The following CAMK2D variants were observed in gnomAD, a reference collection of about 807,000 sequenced individuals.
The protein encoded by CAMK2D is calcium/calmodulin dependent protein kinase II delta, also known as calcium/calmodulin-dependent protein kinase type II subunit delta.
A neutral mutation model predicts 84.0 loss-of-function variants in CAMK2D; 37 were observed. That is an observed-to-expected ratio of 0.44 (90% CI 0.34 to 0.58). The LOEUF (loss-of-function observed/expected upper bound fraction) is 0.58. CAMK2D is among the 20% of genes least tolerant of loss of function. CAMK2D has a pLI of 0.02. For missense variants in CAMK2D, 448 were observed against 652.5 expected (o/e 0.69, Z 3.41); for synonymous variants, 202 against 212.5 (o/e 0.95, Z 0.43).
intron 3 of CAMK2D, among the ~76,000 whole-genome samples, chr4:113,635,224 A>C (rs1358835691): frequency 6.6e-6 from 1 of 152,192 alleles, no homozygotes; most frequent in Non-Finnish European, 1.5e-5. Context: ...AGGGTGTCCA[A>C]GTGTGCACAT....
intron 8 of CAMK2D, among the ~76,000 whole-genome samples, chr4:113,519,986 T>C (rs1041865057): frequency 1.3e-4 from 20 of 152,200 alleles, no homozygotes; most frequent in Non-Finnish European, 2.2e-4. Flanking sequence ...TTTAAAACTT[T>C]GTGTTGTCTA....
At chr4:113,548,986 T>G (rs1042502825) in intron 5 of CAMK2D, among the ~76,000 whole-genome samples, 1 of 152,198 alleles carries the variant, frequency 6.6e-6, no homozygotes, top group Non-Finnish European at 1.5e-5. Flanking sequence ...TCATTGTAAG[T>G]GTACAAATTA....
chr4:113,586,694 C>A (rs934874814), intron 4 of CAMK2D, among the ~76,000 whole-genome samples: 14 of 152,228 alleles, frequency 9.2e-5, no homozygotes, highest in South Asian at 4.2e-4. Flanking sequence ...CTCTCACAAA[C>A]CTAGGCTTTA....
chr4:113,625,385 A>AT (rs2099063324), intron 3 of CAMK2D, among the ~76,000 whole-genome samples: 1 of 152,184 alleles, frequency 6.6e-6, no homozygotes, highest in African/African-American at 2.4e-5. Context: ...AAGTGTTCTG[A>AT]AAAACAATAA....
chr4:113,693,528 T>A (rs1411084655), intron 2 of CAMK2D, among the ~76,000 whole-genome samples: 1 of 152,170 alleles, frequency 6.6e-6, no homozygotes, highest in East Asian at 1.9e-4. Context: ...GCAGCAAGTG[T>A]CAGAGGAGAA....
At chr4:113,732,122 T>C (rs930465228) in intron 2 of CAMK2D, among the ~76,000 whole-genome samples, 1 of 151,700 alleles carries the variant, frequency 6.6e-6, no homozygotes, top group Non-Finnish European at 1.5e-5. Context: ...CAGCACTCCT[T>C]CTTTTTTTTT....
At chr4:113,486,973 A>G (rs1167960029) in intron 16 of CAMK2D, among the ~76,000 whole-genome samples, 1 of 152,236 alleles carries the variant, frequency 6.6e-6, no homozygotes, top group Non-Finnish European at 1.5e-5. Context: ...GTCTAGTTAG[A>G]AGACTATACA....
At chr4:113,625,106 AG>A (rs2099062030) in intron 3 of CAMK2D, among the ~76,000 whole-genome samples, 1 of 152,220 alleles carries the variant, frequency 6.6e-6, no homozygotes, top group Non-Finnish European at 1.5e-5. Flanking sequence ...CAGCAGGATC[AG>A]ACTTATCTTC....
intron 16 of CAMK2D, among the ~76,000 whole-genome samples, chr4:113,476,169 A>G (rs1240191625): frequency 1.3e-5 from 2 of 152,158 alleles, no homozygotes; most frequent in Non-Finnish European, 1.5e-5. Context: ...GCTCAACGTA[A>G]TATGTGTGCC....
intron 3 of CAMK2D, among the ~76,000 whole-genome samples, chr4:113,623,279 T>C (rs894507595): frequency 6.6e-6 from 1 of 152,176 alleles, no homozygotes; most frequent in African/African-American, 2.4e-5. Flanking sequence ...TAGTAAAGTA[T>C]TCTGTGATAA....
intron 3 of CAMK2D, among the ~76,000 whole-genome samples, chr4:113,627,746 G>T (rs766388580): frequency 6.6e-6 from 1 of 152,116 alleles, no homozygotes; most frequent in African/African-American, 2.4e-5. Flanking sequence ...AAGGGCATTT[G>T]CTTAGTGTTT....
intron 3 of CAMK2D, among the ~76,000 whole-genome samples, chr4:113,620,764 C>A (rs1163392947): frequency 6.6e-6 from 1 of 152,020 alleles, no homozygotes; most frequent in African/African-American, 2.4e-5. Flanking sequence ...CCCTGGCCTC[C>A]CAAAGTGCTG....
At chr4:113,683,342 G>A (rs1345865015) in intron 2 of CAMK2D, among the ~76,000 whole-genome samples, 4 of 152,158 alleles carry the variant, frequency 2.6e-5, no homozygotes, top group Non-Finnish European at 5.9e-5. Context: ...ACAGGGCACC[G>A]CAGAGCAGCA....
In CAMK2D at chr4:113,709,746, G is replaced by GATATATACAT. The variant is rs1298341709; in HGVS notation, c.161-47975_161-47974insATGTATATAT. 2.4e-4 allele frequency among the ~76,000 whole-genome samples: 12 copies of GATATATACAT among 49,806 alleles called. 1 individual carries two copies. Among genetic ancestry groups the GATATATACAT allele is most frequent in the Admixed American group, 8.4e-4 (3 of 3,584 alleles). The allele number at this position is 49,806 out of a possible 152,430, so 32.7% of individuals were successfully genotyped here. On this transcript the variant is annotated intron_variant, in intron 2 of 20. Transcript: ENST00000511664. Reference sequence around the variant, plus strand: ...GAGTGAAAAGCTAAAAGCCGTGAACGATATATATATATATATATATATATA... The same window carrying GATATATACAT: ...GAGTGAAAAGCTAAAAGCCGTGAACGATATATACATATATATATATATATATATATATATA...
At chr4:113,706,657 C>T (rs925770976) in intron 2 of CAMK2D, among the ~76,000 whole-genome samples, 2 of 152,138 alleles carry the variant, frequency 1.3e-5, no homozygotes, top group Non-Finnish European at 2.9e-5. Flanking sequence ...TGCTATTTAA[C>T]ATTTCCTTAG....
At chr4:113,725,803 A>C (rs768661773) in intron 2 of CAMK2D, among the ~76,000 whole-genome samples, 6 of 152,192 alleles carry the variant, frequency 3.9e-5, no homozygotes, top group Non-Finnish European at 8.8e-5. Flanking sequence ...CAGTAAAAGG[A>C]AAAATAGTCT....
At chr4:113,619,924 G>A (rs908340719) in intron 3 of CAMK2D, among the ~76,000 whole-genome samples, 1 of 152,114 alleles carries the variant, frequency 6.6e-6, no homozygotes, top group African/African-American at 2.4e-5. Flanking sequence ...GCCGGAGTTT[G>A]GCATGCATAA....
chr4:113,650,105 A>G (rs1423236821), intron 3 of CAMK2D, among the ~76,000 whole-genome samples: 1 of 152,192 alleles, frequency 6.6e-6, no homozygotes, highest in East Asian at 1.9e-4. Context: ...AATAGGAGAC[A>G]ACTTCCAAAT....
intron 3 of CAMK2D, among the ~76,000 whole-genome samples, chr4:113,618,068 C>A (rs1038743724): frequency 6.6e-6 from 1 of 151,986 alleles, no homozygotes; most frequent in Non-Finnish European, 1.5e-5. Context: ...CCTATAAGAT[C>A]CTTTCTAAGT....
Sources: gnomAD v4.1 joint callset for allele counts (sites outside exome capture counted in the v4.1 genomes callset) on GRCh38, gnomAD v4.1.1 for gene constraint, MANE v1.5 for transcripts, NCBI Gene and HGNC (gene_info 2026-07-23, HGNC 2026-07-21) for gene names.